The following MOCS1 variants were observed in gnomAD, a reference collection of about 807,000 sequenced individuals.
MOCS1 encodes the protein molybdenum cofactor synthesis 1.
In MOCS1, 39 loss-of-function variants were observed where a neutral mutation model predicts 57.6. The ratio of observed to expected loss-of-function variants is 0.68; its 90% confidence interval spans 0.52 to 0.88. The LOEUF (loss-of-function observed/expected upper bound fraction) is 0.88, where lower values mean the gene tolerates loss of function less well. MOCS1 is among the 40% of genes least tolerant of loss of function. MOCS1 has a pLI of 0.00. For missense variants in MOCS1, 795 were observed against 831.1 expected, an observed-to-expected ratio of 0.96 and a Z score of 0.53; for synonymous variants, 334 against 335.7, an observed-to-expected ratio of 1.00 and a Z score of 0.05.
intron 1 of MOCS1, 23 bp downstream of exon 1, chr6:39,934,272 G>A: frequency 6.5e-7 from 1 of 1,530,736 alleles, no homozygotes; most frequent in Non-Finnish European, 8.7e-7. Context: ...GGGAAGCTGT[G>A]GACGCAGGCG....
chr6:39,904,810 C>T lies in MOCS1; in HGVS notation c.*1547G>A, dbSNP rs1766734380. 2.2e-6 allele frequency: 1 copy of T among 454,034 alleles called. No homozygotes were observed. The highest frequency in any genetic ancestry group is 4.4e-6 in the Non-Finnish European group (1 of 226,780). 28.1% of individuals were successfully genotyped at this position (454,034 alleles called of 1,614,324 possible). A position where few individuals can be genotyped will look rare whatever the true frequency, so the allele number is the denominator to read the frequency against. On this transcript the variant is annotated 3_prime_UTR_variant, in exon 11 of 11. Transcript: ENST00000340692. Reference sequence around the variant, plus strand: ...CTACAGTGTCCTTTTTCACTTGCACCTTTTTTATAAGAATATATTGTAATA... The same window carrying T: ...CTACAGTGTCCTTTTTCACTTGCACTTTTTTTATAAGAATATATTGTAATA...
At chr6:39,914,420 A>G (rs890954862) in intron 4 of MOCS1, among the ~76,000 whole-genome samples, 12 of 152,222 alleles carry the variant, frequency 7.9e-5, no homozygotes, top group African/African-American at 2.7e-4. Context: ...CAGTCCATCA[A>G]TTATTCACTC....
At chr6:39,923,479 C>T (rs1048861329) in intron 3 of MOCS1, among the ~76,000 whole-genome samples, 1 of 152,260 alleles carries the variant, frequency 6.6e-6, no homozygotes, top group Admixed American at 6.5e-5. Flanking sequence ...CCTCCCTGAC[C>T]AGTGAGTGAT....
At chr6:39,928,234 G>A (rs1234680722) in intron 1 of MOCS1, among the ~76,000 whole-genome samples, 1 of 149,966 alleles carries the variant, frequency 6.7e-6, no homozygotes, top group Non-Finnish European at 1.5e-5. Context: ...GCGCGATCTT[G>A]GCTCACTGCA....
rs11963579 is a variant in MOCS1, at chr6:39,905,834, A to G, written c.*523T>C. ...AGAGATGAAGTCAGGACAGGACAGG[A>G]CAGGGCAGGGCTGCGGCTTCACAGA... On this transcript the variant is annotated 3_prime_UTR_variant, in exon 11 of 11. Coordinates refer to ENST00000340692, the MANE Select transcript of MOCS1 (RefSeq NM_001358530.2). 6.8e-4 allele frequency: 321 copies of G among 470,954 alleles called. 2 individuals carry two copies. The highest frequency in any genetic ancestry group is 5.2e-3 in the African/African-American group (260 of 50,084). 29.2% of individuals were successfully genotyped at this position (470,954 alleles called of 1,614,324 possible).
intron 6 of MOCS1, 54 bp downstream of exon 6, chr6:39,913,263 G>C: frequency 4.0e-6 from 6 of 1,491,614 alleles, no homozygotes; most frequent in Admixed American, 1.7e-5. Context: ...CACACTATGC[G>C]ACCTGCAGGC....
chr6:39,928,693 C>A (rs1768478175), intron 1 of MOCS1, among the ~76,000 whole-genome samples: 1 of 152,196 alleles, frequency 6.6e-6, no homozygotes, highest in Non-Finnish European at 1.5e-5. Flanking sequence ...CCCTTAACTT[C>A]TCCAGGCCTG....
In MOCS1 at chr6:39,904,937, C is replaced by A. The variant is rs1171778320; in HGVS notation, c.*1420G>T. The A allele has an allele frequency of 1.3e-5, 6 of 454,044 alleles. No homozygotes were observed. In the Admixed American group the frequency reaches 1.4e-4, roughly 11 times the overall value. 28.1% of individuals were successfully genotyped at this position (454,044 alleles called of 1,614,324 possible). A position where few individuals can be genotyped will look rare whatever the true frequency, so the allele number is the denominator to read the frequency against. ...GGGTGGGCTGAGAGTGTGCTGGAGCCAGCTTGTACCAGCTCTGTGAGAACC... is the reference window on the plus strand; with the variant it reads ...GGGTGGGCTGAGAGTGTGCTGGAGCAAGCTTGTACCAGCTCTGTGAGAACC... On this transcript the variant is annotated 3_prime_UTR_variant, in exon 11 of 11. Coordinates refer to ENST00000340692, the MANE Select transcript of MOCS1 (RefSeq NM_001358530.2).
chr6:39,931,396 T>TC (rs1768637256), intron 1 of MOCS1, among the ~76,000 whole-genome samples: 1 of 104,492 alleles, frequency 9.6e-6, no homozygotes, highest in Non-Finnish European at 1.8e-5. Flanking sequence ...AATCTAAGTA[T>TC]CGTGGCCCTG....
rs1766928991 is a variant in MOCS1, at chr6:39,906,321, C to T, written c.*36G>A. 6.3e-7 allele frequency: 1 copy of T among 1,599,898 alleles called. No individual in the cohort carries two copies. The highest frequency in any genetic ancestry group is 1.7e-5 in the Admixed American group (1 of 59,716). On this transcript the variant is annotated 3_prime_UTR_variant, in exon 11 of 11. Transcript: ENST00000340692. ...CTCAGCCTACATTGCATCCCAGCTC[C>T]AGGCCTGGGTGGGCCATGGGTGAGA... is the stretch of plus-strand genomic sequence containing the variant.
intron 1 of MOCS1, among the ~76,000 whole-genome samples, chr6:39,928,146 C>T (rs573925985): frequency 6.6e-6 from 1 of 151,912 alleles, no homozygotes; most frequent in Non-Finnish European, 1.5e-5. Context: ...GATTCAAATC[C>T]AGGTCTTCTG....
intron 3 of MOCS1, among the ~76,000 whole-genome samples, chr6:39,921,585 T>C (rs1198267008): frequency 6.6e-6 from 1 of 152,146 alleles, no homozygotes; most frequent in African/African-American, 2.4e-5. Flanking sequence ...CCACCAAAAA[T>C]AAAACAAAAT....
rs901020970 is a variant in MOCS1 at position 39,906,674 on chromosome 6, C to A, written c.1594G>T (p.Ala532Ser). ...CCAGCCAGCTGGGCCACCACTAGGG[C>A]ATCTCCTTTCTTGAGCTGGTTCTGC... ...VQQNQLKKGD[A>S]LVVAQLAGVQ... Residue 532 changes from alanine (A) to serine (S), a missense_variant, in exon 11 of 11, where the codon GCC becomes TCC. Ala to Ser is a moderately conservative substitution (Grantham distance 99). Coordinates refer to ENST00000340692, the MANE Select transcript of MOCS1 (RefSeq NM_001358530.2). 1 of 1,614,106 alleles carries A rather than the reference C, an allele frequency of 6.2e-7. No individual in the cohort carries two copies. The highest frequency in any genetic ancestry group is 1.7e-5 in the Admixed American group (1 of 60,036).
chr6:39,915,072 C>T (rs1174973254), intron 4 of MOCS1, among the ~76,000 whole-genome samples: 4 of 152,200 alleles, frequency 2.6e-5, no homozygotes, highest in African/African-American at 4.8e-5. Context: ...GCTAAGAGTT[C>T]TTTCTTCCTC....
At chr6:39,910,470 G>A (rs1767256003) in intron 8 of MOCS1, among the ~76,000 whole-genome samples, 1 of 152,160 alleles carries the variant, frequency 6.6e-6, no homozygotes, top group Non-Finnish European at 1.5e-5. Flanking sequence ...TCAGCTGAGG[G>A]CTGCTGGGCA....
chr6:39,916,312 T>G, intron 3 of MOCS1, 80 bp from the exon 4 acceptor site: 1 of 1,564,160 alleles, frequency 6.4e-7, no homozygotes, highest in Non-Finnish European at 8.7e-7. Context: ...GGCAAAACTC[T>G]TTGTCCAGAC....
chr6:39,921,880 G>A (rs907471986), intron 3 of MOCS1, among the ~76,000 whole-genome samples: 2 of 152,128 alleles, frequency 1.3e-5, no homozygotes, highest in African/African-American at 4.8e-5. Flanking sequence ...CGTCATCCAG[G>A]TACTAAGCCT....
At chr6:39,928,630 G>T (rs1218198186) in intron 1 of MOCS1, among the ~76,000 whole-genome samples, 1 of 152,186 alleles carries the variant, frequency 6.6e-6, no homozygotes, top group Non-Finnish European at 1.5e-5. Flanking sequence ...TCTGGAATGG[G>T]AATAAGAAAC....
chr6:39,920,246 T>C (rs757840974), intron 3 of MOCS1, among the ~76,000 whole-genome samples: 5 of 152,206 alleles, frequency 3.3e-5, no homozygotes, highest in Non-Finnish European at 7.4e-5. Flanking sequence ...ATTTTACACT[T>C]GTTCAACTGG....
Sources: gnomAD v4.1 joint callset for allele counts (sites outside exome capture counted in the v4.1 genomes callset) on GRCh38, gnomAD v4.1.1 for gene constraint, MANE v1.5 for transcripts, NCBI Gene and HGNC (gene_info 2026-07-23, HGNC 2026-07-21) for gene names.